The following SCUBE2 variants were observed in gnomAD, a reference collection of about 807,000 sequenced individuals.
SCUBE2 encodes the protein signal peptide, CUB domain and EGF like domain containing 2, also known as signal peptide, CUB and EGF-like domain-containing protein 2.
SCUBE2 carries 114 observed loss-of-function variants against 125.9 expected under a neutral mutation model. That is an observed-to-expected ratio of 0.91 (90% CI 0.78 to 1.06). SCUBE2 has a LOEUF of 1.06. SCUBE2 is among the 50% of genes least tolerant of loss of function. The pLI, the probability that SCUBE2 is intolerant of heterozygous loss-of-function variation, is 0.00. For synonymous variants in SCUBE2, 459 were observed against 492.9 expected, an observed-to-expected ratio of 0.93 and a Z score of 0.91; for missense variants, 1,255 against 1,301.8, an observed-to-expected ratio of 0.96 and a Z score of 0.55.
At chr11:9,066,088 T>C (rs1267612559) in intron 6 of SCUBE2, 108 bp from the exon 7 acceptor site, 11 of 737,098 alleles carry the variant, frequency 1.5e-5, no homozygotes, top group Admixed American at 2.3e-5. Flanking sequence ...ATGAAAGATA[T>C]GTGACTCTGT....
intron 9 of SCUBE2, among the ~76,000 whole-genome samples, chr11:9,058,097 A>C (rs1201814498): frequency 1.3e-5 from 2 of 152,156 alleles, no homozygotes; most frequent in Non-Finnish European, 2.9e-5. Context: ...ATCAACAAGC[A>C]TCTCCTCCCC....
At chr11:9,084,581 C>G (rs1415953618) in intron 2 of SCUBE2, among the ~76,000 whole-genome samples, 1 of 152,158 alleles carries the variant, frequency 6.6e-6, no homozygotes, top group Admixed American at 6.5e-5. Flanking sequence ...TAAACCCCAT[C>G]TTGCTCAGGC....
chr11:9,029,798 C>T, intron 19 of SCUBE2, 86 bp downstream of exon 19: 1 of 1,461,866 alleles, frequency 6.8e-7, no homozygotes, highest in Non-Finnish European at 9.5e-7. Flanking sequence ...AACCTGGGAC[C>T]TCTGCCCCGT....
At chr11:9,062,134 A>G (rs1406704867) in intron 7 of SCUBE2, among the ~76,000 whole-genome samples, 3 of 152,226 alleles carry the variant, frequency 2.0e-5, no homozygotes, top group Admixed American at 2.0e-4. Context: ...GTGAAAGTCT[A>G]TACCCTGAAA....
rs1318737919 is a variant in SCUBE2, at chr11:9,019,675, T to G, written c.*1370A>C. Among the ~76,000 whole-genome samples the G allele has an allele frequency of 6.6e-6, 1 of 152,238 alleles. No homozygotes were observed. The highest frequency in any genetic ancestry group is 1.5e-5 in the Non-Finnish European group (1 of 68,036). The stretch of plus-strand genomic sequence containing the variant: ...AGATGAAAAGCAAGTTTAACCATAA[T>G]GAAGTTCTCTTTGTTTTCTTCAAAA... On this transcript the variant is annotated 3_prime_UTR_variant, in exon 23 of 23. Coordinates refer to ENST00000649792, the MANE Select transcript of SCUBE2 (RefSeq NM_001367977.2).
rs1358897654 is a variant in SCUBE2, at chr11:9,052,764, T to A, written c.1516A>T (p.Asn506Tyr). The change falls in exon 13 of 23, where the codon AAT becomes TAT. Residue 506 changes from asparagine (N) to tyrosine (Y), a missense_variant. Around this residue, in one of 3 missense-constraint regions of SCUBE2, gnomAD observed 378 missense variants for 463.1 expected, o/e 0.82. Transcript: ENST00000649792. ...TAATTACCCCCAAAAGCAGAGTCATTTGATTTTTGTTGTTTGTTCCTGAGA... is the reference window on the plus strand; with the variant it reads ...TAATTACCCCCAAAAGCAGAGTCATATGATTTTTGTTGTTTGTTCCTGAGA... ...SPLRNKQQKS[N>Y]DSAFGDVTTI... 6.5e-7 allele frequency: 1 copy of A among 1,536,350 alleles called. No homozygotes were observed. Among genetic ancestry groups the A allele is most frequent in the Non-Finnish European group, 8.7e-7 (1 of 1,146,428 alleles).
intron 16 of SCUBE2, among the ~76,000 whole-genome samples, chr11:9,034,778 C>T (rs936208717): frequency 5.3e-5 from 8 of 152,046 alleles, no homozygotes; most frequent in Non-Finnish European, 1.2e-4. Context: ...GTCAGGAGTT[C>T]CAGACCAGCC....
chr11:9,045,033 A>C (rs1857569325), intron 16 of SCUBE2, among the ~76,000 whole-genome samples: 1 of 152,108 alleles, frequency 6.6e-6, no homozygotes, highest in Non-Finnish European at 1.5e-5. Context: ...TGATAGTAGT[A>C]TCTTTCCTCG....
At chr11:9,042,886 G>A (rs1857377426) in intron 16 of SCUBE2, among the ~76,000 whole-genome samples, 1 of 152,116 alleles carries the variant, frequency 6.6e-6, no homozygotes, top group African/African-American at 2.4e-5. Context: ...TCTCTATCTA[G>A]GACCTGCATG....
At chr11:9,046,039 C>G (rs1484201286) in intron 16 of SCUBE2, among the ~76,000 whole-genome samples, 2 of 128,782 alleles carry the variant, frequency 1.6e-5, no homozygotes, top group Non-Finnish European at 3.1e-5. Flanking sequence ...CGGAGTCTTG[C>G]TCTGTCGCCC....
chr11:9,066,125 A>C (rs1020609040), intron 6 of SCUBE2, 145 bp from the exon 7 acceptor site: 2 of 629,522 alleles, frequency 3.2e-6, no homozygotes, highest in Non-Finnish European at 5.6e-6. Flanking sequence ...TGTTGTAATG[A>C]GGCTCTGTGG....
chr11:9,065,803 G>C (rs1447047582), intron 7 of SCUBE2, 88 bp downstream of exon 7: 1 of 1,132,268 alleles, frequency 8.8e-7, no homozygotes, highest in Non-Finnish European at 1.3e-6. Context: ...CTGAGGGCAT[G>C]TGGCTCCCAA....
At chr11:9,027,596 ACT>A (rs1855900228) in intron 19 of SCUBE2, 35 bp from the exon 20 acceptor site, 1 of 1,581,486 alleles carries the variant, frequency 6.3e-7, no homozygotes, top group Admixed American at 1.7e-5. Context: ...ATGGCACGAC[ACT>A]GTCATCTCTG....
rs1387440253 is a variant in SCUBE2, at chr11:9,054,699, GTGTATATATA to G, written c.1208-950_1208-941del. ...GATAACTGTCAGTAGCAAAGCACTA[GTGTATATATA>G]TATATATATATATATATTTTTTTTT... On this transcript the variant is annotated intron_variant, in intron 10 of 22. Coordinates refer to ENST00000649792, the MANE Select transcript of SCUBE2 (RefSeq NM_001367977.2). 6.2e-3 allele frequency among the ~76,000 whole-genome samples: 276 copies of G among 44,706 alleles called. 21 individuals carry two copies. Among genetic ancestry groups the G allele is most frequent in the African/African-American group, 0.025 (249 of 10,120 alleles). The allele number at this position is 44,706 out of a possible 152,430, so 29.3% of individuals were successfully genotyped here. A position where few individuals can be genotyped will look rare whatever the true frequency, so the allele number is the denominator to read the frequency against.
intron 2 of SCUBE2, among the ~76,000 whole-genome samples, chr11:9,086,591 G>A (rs982535001): frequency 5.3e-5 from 8 of 151,834 alleles, no homozygotes; most frequent in Admixed American, 1.3e-4. Context: ...AGTGGCTCAC[G>A]CCTATAATCC....
chr11:9,084,796 T>G (rs998782141), intron 2 of SCUBE2, among the ~76,000 whole-genome samples: 6 of 152,212 alleles, frequency 3.9e-5, no homozygotes, highest in African/African-American at 1.4e-4. Context: ...CAGGCTGGAG[T>G]GCAGTGGTGC....
At chr11:9,050,885 C>A (rs1170798583) in intron 13 of SCUBE2, among the ~76,000 whole-genome samples, 175 bp from the exon 14 acceptor site, 2 of 152,184 alleles carry the variant, frequency 1.3e-5, no homozygotes, top group Non-Finnish European at 2.9e-5. Context: ...TTGCCCTGGA[C>A]TGGGGCCACC....
intron 9 of SCUBE2, chr11:9,057,138 G>A (rs931423203): frequency 2.6e-5 from 4 of 152,218 alleles, no homozygotes; most frequent in African/African-American, 7.2e-5. Flanking sequence ...TCGAGAAAGT[G>A]CACTTGTTCA....
At chr11:9,023,493 G>A (rs1855479231) in intron 21 of SCUBE2, among the ~76,000 whole-genome samples, 3 of 152,112 alleles carry the variant, frequency 2.0e-5, no homozygotes, top group Non-Finnish European at 2.9e-5. Context: ...GCTGTGCTGC[G>A]TTCTGGTGTA....
Sources: gnomAD v4.1 joint callset for allele counts (sites outside exome capture counted in the v4.1 genomes callset) on GRCh38, gnomAD v4.1.1 for gene constraint, gnomAD v4.1.1 regional missense constraint, MANE v1.5 for transcripts, NCBI Gene and HGNC (gene_info 2026-07-23, HGNC 2026-07-21) for gene names.